LCLAT1: variants seen among roughly 807,000 people sequenced by gnomAD.
LCLAT1 encodes 1-AGP acyltransferase 8.
Under a neutral mutation model 30.7 loss-of-function variants are expected in LCLAT1, and 11 were observed. That is an observed-to-expected ratio of 0.36 (90% confidence interval 0.23 to 0.59). The LOEUF is 0.59. Ranked by LOEUF, LCLAT1 falls within the 20% of genes least tolerant of loss-of-function variation. The pLI, the probability that LCLAT1 is intolerant of heterozygous loss-of-function variation, is 0.77. For missense variants in LCLAT1, 402 were observed against 458.6 expected (o/e 0.88, Z 1.13); for synonymous variants, 155 against 151.3 (o/e 1.02, Z -0.18).
intron 5 of LCLAT1, among the ~76,000 whole-genome samples, chr2:30,611,163 T>C (rs1667719653): frequency 6.6e-6 from 1 of 152,000 alleles, no homozygotes; most frequent in Non-Finnish European, 1.5e-5. Flanking sequence ...TTTTTTCTTT[T>C]TGGTCCTTTT....
chr2:30,470,431 G>T (rs1682717729), intron 1 of LCLAT1, among the ~76,000 whole-genome samples: 1 of 152,150 alleles, frequency 6.6e-6, no homozygotes, highest in Non-Finnish European at 1.5e-5. Flanking sequence ...TTTTTACAAA[G>T]ATGGTTTTGG....
chr2:30,461,774 T>C (rs1452653235), intron 1 of LCLAT1, among the ~76,000 whole-genome samples: 1 of 142,258 alleles, frequency 7.0e-6, no homozygotes, highest in African/African-American at 2.5e-5. Context: ...ATTAAACTTT[T>C]TTTTTTTTTT....
At chr2:30,535,645 A>G (rs924612398) in intron 3 of LCLAT1, among the ~76,000 whole-genome samples, 7 of 152,252 alleles carry the variant, frequency 4.6e-5, no homozygotes, top group Admixed American at 4.6e-4. Flanking sequence ...ACTGTATGAC[A>G]TATCTACAGG....
rs371431414 is a variant in LCLAT1, at chr2:30,613,141, G to A, written c.629-26976G>A. On this transcript the variant is annotated intron_variant, in intron 5 of 5. Coordinates refer to ENST00000379509, the MANE Select transcript of LCLAT1 (RefSeq NM_001002257.3). Reference sequence around the variant, plus strand: ...CAAGAGATGCAGTGTGGCTAGACCAGATCAAGTCACATGAGCAGTAGCAGA... The same window carrying A: ...CAAGAGATGCAGTGTGGCTAGACCAAATCAAGTCACATGAGCAGTAGCAGA... Among the ~76,000 whole-genome samples the A allele has an allele frequency of 1.8e-4, 28 of 152,222 alleles. No individual in the cohort carries two copies. In the East Asian group the frequency reaches 3.3e-3, roughly 18 times the overall value.
At chr2:30,476,890 T>C (rs547075206) in intron 1 of LCLAT1, among the ~76,000 whole-genome samples, 1 of 152,294 alleles carries the variant, frequency 6.6e-6, no homozygotes, top group South Asian at 2.1e-4. Flanking sequence ...TTTGGATACC[T>C]CTTTACACTG....
intron 1 of LCLAT1, among the ~76,000 whole-genome samples, chr2:30,514,790 C>T (rs1685105268): frequency 6.6e-6 from 1 of 152,192 alleles, no homozygotes; most frequent in Non-Finnish European, 1.5e-5. Flanking sequence ...CCCATGCACT[C>T]TCTGTTTGGA....
At chr2:30,483,543 T>C (rs1328336347) in intron 1 of LCLAT1, among the ~76,000 whole-genome samples, 1 of 152,154 alleles carries the variant, frequency 6.6e-6, no homozygotes, top group African/African-American at 2.4e-5. Flanking sequence ...AATGAAGCAC[T>C]GCAAGCAAAA....
chr2:30,617,282 A>G (rs761190215), intron 5 of LCLAT1, among the ~76,000 whole-genome samples: 4 of 152,176 alleles, frequency 2.6e-5, no homozygotes, highest in Non-Finnish European at 5.9e-5. Context: ...AAATGGAATT[A>G]TATAGTATGT....
intron 5 of LCLAT1, among the ~76,000 whole-genome samples, chr2:30,603,260 T>C (rs544991107): frequency 2.0e-5 from 3 of 152,166 alleles, no homozygotes; most frequent in African/African-American, 7.2e-5. Context: ...AAGAAATTAT[T>C]CAATGAATAA....
At chr2:30,591,980 T>G (rs545777376) in intron 5 of LCLAT1, among the ~76,000 whole-genome samples, 2 of 152,236 alleles carry the variant, frequency 1.3e-5, no homozygotes, top group Non-Finnish European at 2.9e-5. Flanking sequence ...ATAATTTGTT[T>G]ATTTACAAGC....
In LCLAT1 at chr2:30,565,706, G is replaced by A. The variant is rs1463746781; in HGVS notation, c.512-2354G>A. Among the ~76,000 whole-genome samples, 4 of 152,122 alleles carry A rather than the reference G, an allele frequency of 2.6e-5. No homozygotes were observed. The East Asian group carries it at 5.8e-4, about 22-fold the overall frequency. On this transcript the variant is annotated intron_variant, in intron 4 of 5. Coordinates refer to ENST00000379509, the MANE Select transcript of LCLAT1 (RefSeq NM_001002257.3). ...ACGAAGTTTACGTTCTGTGAGGAAA[G>A]ACAGATGATAAACTAATAAGTTAAT...
chr2:30,568,505 CTTTTT>C (rs35285466), intron 5 of LCLAT1, among the ~76,000 whole-genome samples: 1 of 85,362 alleles, frequency 1.2e-5, no homozygotes, highest in Non-Finnish European at 2.2e-5. Context: ...GTCTTTCTTT[CTTTTT>C]TTTTTTTTTT....
chr2:30,636,791 T>G (rs2148535323), intron 5 of LCLAT1, among the ~76,000 whole-genome samples: 1 of 152,292 alleles, frequency 6.6e-6, no homozygotes, highest in South Asian at 2.1e-4. Context: ...CTGTATTTGA[T>G]CCGTAAGCAT....
chr2:30,604,655 C>T (rs1255237598), intron 5 of LCLAT1, among the ~76,000 whole-genome samples: 13 of 119,184 alleles, frequency 1.1e-4, no homozygotes, highest in African/African-American at 3.9e-4. Flanking sequence ...AGTGAGACTC[C>T]GTCTCAAAAA....
At chr2:30,615,232 T>C (rs1178701263) in intron 5 of LCLAT1, among the ~76,000 whole-genome samples, 1 of 151,838 alleles carries the variant, frequency 6.6e-6, no homozygotes, top group African/African-American at 2.4e-5. Flanking sequence ...CAAGAGCAGG[T>C]GAGATAGAAG....
chr2:30,590,393 A>C (rs906670490), intron 5 of LCLAT1, among the ~76,000 whole-genome samples: 6 of 151,718 alleles, frequency 4.0e-5, no homozygotes, highest in African/African-American at 1.5e-4. Context: ...TATAGATGGC[A>C]GGGAAATCAC....
intron 5 of LCLAT1, among the ~76,000 whole-genome samples, chr2:30,618,416 G>A (rs1244892180): frequency 6.6e-6 from 1 of 152,058 alleles, no homozygotes; most frequent in Non-Finnish European, 1.5e-5. Context: ...CCATTTATAT[G>A]GGTCTTTCTC....
chr2:30,452,424 T>C (rs1367105455), intron 1 of LCLAT1, among the ~76,000 whole-genome samples: 2 of 152,132 alleles, frequency 1.3e-5, no homozygotes, highest in African/African-American at 2.4e-5. Flanking sequence ...TATAATTGTT[T>C]TGCAAAAGGC....
At chr2:30,476,873 A>G (rs913705725) in intron 1 of LCLAT1, among the ~76,000 whole-genome samples, 4 of 152,088 alleles carry the variant, frequency 2.6e-5, no homozygotes, top group African/African-American at 4.8e-5. Context: ...AGCTAGCTCA[A>G]ATTACTTTTG....
Sources: allele counts gnomAD v4.1 joint callset (sites outside exome capture counted in the v4.1 genomes callset), GRCh38; gene constraint gnomAD v4.1.1; transcripts MANE v1.5; gene names NCBI Gene and HGNC (gene_info 2026-07-23, HGNC 2026-07-21).